SLC35F3: variants seen among roughly 807,000 people sequenced by gnomAD.
SLC35F3 encodes the protein solute carrier family 35 member F3.
SLC35F3 carries 25 observed loss-of-function variants against 49.9 expected under a neutral mutation model. That is an observed-to-expected ratio of 0.50 (90% CI 0.37 to 0.70). SLC35F3 has a LOEUF of 0.70. Ranked by LOEUF, SLC35F3 falls within the 30% of genes least tolerant of loss-of-function variation. The pLI is 0.00. For missense variants in SLC35F3, 525 were observed against 639.8 expected, an observed-to-expected ratio of 0.82 and a Z score of 1.94; for synonymous variants, 275 against 265.4, an observed-to-expected ratio of 1.04 and a Z score of -0.35.
chr1:233,910,572 C>A (rs1571975078), intron 2 of SLC35F3, among the ~76,000 whole-genome samples: 1 of 152,306 alleles, frequency 6.6e-6, no homozygotes, highest in East Asian at 1.9e-4. Context: ...TCAACACAAA[C>A]CTGCATTAGA....
chr1:234,157,381 C>A (rs1316298678), intron 2 of SLC35F3, among the ~76,000 whole-genome samples: 2 of 152,140 alleles, frequency 1.3e-5, no homozygotes, highest in Non-Finnish European at 2.9e-5. Context: ...TCAGAACCGT[C>A]CGTGGACTCC....
intron 2 of SLC35F3, among the ~76,000 whole-genome samples, chr1:234,025,579 A>G (rs557788326): frequency 1.7e-4 from 26 of 152,262 alleles, no homozygotes; most frequent in African/African-American, 6.0e-4. Flanking sequence ...AATGATGTTG[A>G]GCATTTTTTC....
chr1:234,283,472 T>G (rs76624433), intron 3 of SLC35F3, among the ~76,000 whole-genome samples: 8,340 of 152,320 alleles, frequency 0.055, 280 homozygotes, highest in African/African-American at 0.088. Context: ...GATGCTTTGT[T>G]GAAGTTATTG....
intron 2 of SLC35F3, among the ~76,000 whole-genome samples, chr1:234,190,911 A>T (rs185669540): frequency 1.3e-5 from 2 of 151,924 alleles, no homozygotes; most frequent in African/African-American, 4.9e-5. Flanking sequence ...AAAAGTAACT[A>T]TTTTAAGGAA....
intron 3 of SLC35F3, among the ~76,000 whole-genome samples, chr1:234,267,670 C>G (rs1668013277): frequency 6.6e-6 from 1 of 150,822 alleles, no homozygotes. Context: ...GGGGCGGCTG[C>G]CGGGCGGAGA....
intron 2 of SLC35F3, among the ~76,000 whole-genome samples, chr1:234,060,837 T>G (rs1664529152): frequency 1.3e-5 from 2 of 152,234 alleles, no homozygotes; most frequent in Non-Finnish European, 2.9e-5. Flanking sequence ...AGTTACAATC[T>G]GAAGTAATCT....
chr1:233,912,336 G>A (rs952437246), intron 2 of SLC35F3, among the ~76,000 whole-genome samples: 5 of 152,012 alleles, frequency 3.3e-5, no homozygotes, highest in East Asian at 1.9e-4. Flanking sequence ...AAATTAGACC[G>A]GCATGGTGGT....
chr1:234,225,306 C>T (rs1490672801), intron 2 of SLC35F3, among the ~76,000 whole-genome samples: 1 of 151,948 alleles, frequency 6.6e-6, no homozygotes, highest in Non-Finnish European at 1.5e-5. Context: ...GTTACACTTG[C>T]AAATGGCCAT....
chr1:234,168,298 C>T (rs897069767), intron 2 of SLC35F3, among the ~76,000 whole-genome samples: 48 of 152,212 alleles, frequency 3.2e-4, no homozygotes, highest in African/African-American at 9.4e-4. Context: ...CTGTGATGGC[C>T]GGGGTACTCC....
At chr1:233,905,351 G>C (rs537306151) in intron 1 of SLC35F3, among the ~76,000 whole-genome samples, 178 bp from the exon 2 acceptor site, 65 of 152,292 alleles carry the variant, frequency 4.3e-4, no homozygotes, top group Middle Eastern at 6.8e-3. Flanking sequence ...ACAGCTGCCC[G>C]GGGAAGTGGG....
At chr1:233,920,946 G>T (rs1013529797) in intron 2 of SLC35F3, among the ~76,000 whole-genome samples, 3 of 152,218 alleles carry the variant, frequency 2.0e-5, no homozygotes, top group Non-Finnish European at 4.4e-5. Flanking sequence ...AACAGCCCTG[G>T]CTGCTTTCTT....
chr1:233,925,414 T>C (rs1341542642), intron 2 of SLC35F3, among the ~76,000 whole-genome samples: 2 of 152,212 alleles, frequency 1.3e-5, no homozygotes, highest in African/African-American at 4.8e-5. Context: ...TTTTGATCTT[T>C]GTTGGTTTAA....
At chr1:234,269,931 G>C (rs927464326) in intron 3 of SLC35F3, among the ~76,000 whole-genome samples, 3 of 152,100 alleles carry the variant, frequency 2.0e-5, no homozygotes, top group Non-Finnish European at 4.4e-5. Flanking sequence ...CCAGAAGCAG[G>C]TGCTGGTGTC....
intron 2 of SLC35F3, 103 bp downstream of exon 2, chr1:233,905,861 TC>T (rs1661768340): frequency 5.5e-6 from 6 of 1,087,662 alleles, no homozygotes; most frequent in Non-Finnish European, 8.0e-6. Flanking sequence ...AGCCACCCCC[TC>T]CCGCCCTGCC....
intron 2 of SLC35F3, among the ~76,000 whole-genome samples, chr1:234,081,901 C>T (rs905794282): frequency 8.7e-5 from 7 of 80,238 alleles, no homozygotes; most frequent in African/African-American, 3.9e-4. Flanking sequence ...CCATGCCTGG[C>T]TAATTTTTTT....
At chr1:234,133,527 G>A (rs1299736794) in intron 2 of SLC35F3, among the ~76,000 whole-genome samples, 1 of 152,158 alleles carries the variant, frequency 6.6e-6, no homozygotes, top group Non-Finnish European at 1.5e-5. Flanking sequence ...TCTGACATGG[G>A]GGTTAGTGCT....
chr1:233,969,746 A>C (rs1662962148), intron 2 of SLC35F3, among the ~76,000 whole-genome samples: 1 of 152,176 alleles, frequency 6.6e-6, no homozygotes, highest in Non-Finnish European at 1.5e-5. Context: ...TTTTTCTCTC[A>C]CTTCACGTGA....
At chr1:233,972,268 T>C (rs1663008000) in intron 2 of SLC35F3, among the ~76,000 whole-genome samples, 2 of 152,194 alleles carry the variant, frequency 1.3e-5, no homozygotes, top group Admixed American at 6.5e-5. Flanking sequence ...GACGTCTAGG[T>C]CAAAGGACTT....
rs1367087659 is a variant in SLC35F3 at position 234,323,164 on chromosome 1, A to G, written c.1394A>G (p.Glu465Gly). 1 of 1,614,122 alleles carries G rather than the reference A, an allele frequency of 6.2e-7. No individual in the cohort carries two copies. The highest frequency in any genetic ancestry group is 2.2e-5 in the East Asian group (1 of 44,882). Residue 465 changes from glutamate (E) to glycine (G), a missense_variant, in exon 8 of 8, where the codon GAG (glutamate) becomes GGG (glycine). By Grantham distance (98) the Glu-to-Gly change is moderately conservative (BLOSUM62 -2). Coordinates refer to ENST00000366618, the MANE Select transcript of SLC35F3 (RefSeq NM_173508.4). The surrounding 1 kb of genome is among the most constrained non-coding windows in gnomAD (Gnocchi z 4.5). ...LTRLKVRKKE[E>G]PAEGAADLSS... ...CGACTCAAAGTGAGGAAGAAGGAGG[A>G]GCCTGCAGAGGGCGCTGCCGACCTG...
Sources: allele counts gnomAD v4.1 joint callset (sites outside exome capture counted in the v4.1 genomes callset), GRCh38; gene constraint gnomAD v4.1.1; non-coding constraint Gnocchi (gnomAD v3.1); transcripts MANE v1.5; gene names NCBI Gene and HGNC (gene_info 2026-07-23, HGNC 2026-07-21).